NTRK2: variants seen among roughly 807,000 people sequenced by gnomAD.
The protein encoded by NTRK2 is neurotrophic receptor tyrosine kinase 2, also known as BDNF/NT-3 growth factors receptor.
In NTRK2, 13 loss-of-function variants were observed where a neutral mutation model predicts 94.5. The observed-to-expected ratio is 0.14, with a 90% confidence interval of 0.09 to 0.22. The LOEUF is 0.22. Among genes scored for constraint, NTRK2 ranks in the 10% least tolerant of loss-of-function variants. The pLI, the probability that NTRK2 is intolerant of heterozygous loss-of-function variation, is 1.00. For missense variants in NTRK2, 639 were observed against 1,071.2 expected (o/e 0.60, Z 5.63); for synonymous variants, 372 against 407.4 (o/e 0.91, Z 1.05).
At chr9:84,791,337 ATATACT>A (rs1354224988) in intron 12 of NTRK2, among the ~76,000 whole-genome samples, 1 of 152,096 alleles carries the variant, frequency 6.6e-6, no homozygotes, top group Non-Finnish European at 1.5e-5. Context: ...GGTATATATA[ATATACT>A]TATATTTTCT....
At chr9:84,823,638 C>T (rs1465894156) in intron 12 of NTRK2, among the ~76,000 whole-genome samples, 1 of 152,170 alleles carries the variant, frequency 6.6e-6, no homozygotes, top group Non-Finnish European at 1.5e-5. Flanking sequence ...TGCCCCTAGC[C>T]CAGCCCATGT....
intron 16 of NTRK2, among the ~76,000 whole-genome samples, chr9:84,952,300 A>C (rs763849761): frequency 6.6e-6 from 1 of 152,160 alleles, no homozygotes; most frequent in Non-Finnish European, 1.5e-5. Flanking sequence ...GACCAGAAGG[A>C]AAGTGGTGTG....
intron 12 of NTRK2, among the ~76,000 whole-genome samples, chr9:84,767,153 A>ATAT (rs1297351032): frequency 2.6e-5 from 4 of 152,186 alleles, no homozygotes; most frequent in Non-Finnish European, 5.9e-5. Flanking sequence ...AAGGCCTGGG[A>ATAT]TATTATATCA....
chr9:84,903,744 TTC>T (rs372656210), intron 14 of NTRK2, among the ~76,000 whole-genome samples: 11 of 149,720 alleles, frequency 7.3e-5, no homozygotes, highest in Non-Finnish European at 8.9e-5. Context: ...CCTCCCTCCC[TTC>T]TCTCTCTCTC....
Position 84,925,284 on chromosome 9 carries a change from C to T in NTRK2, c.1634-8878C>T, listed in dbSNP as rs180830206. ...CAAATACTCTCAAACCTCACAACAG[C>T]CCCTAACCCCCATGTGCTGGAGCCA... On this transcript the variant is annotated intron_variant, in intron 14 of 18. Transcript: ENST00000277120. 4.6e-5 allele frequency among the ~76,000 whole-genome samples: 7 copies of T among 151,572 alleles called. No homozygotes were observed. In the East Asian group the frequency reaches 1.4e-3, roughly 30 times the overall value.
intron 14 of NTRK2, among the ~76,000 whole-genome samples, chr9:84,870,331 GTATATATATATATATATATA>G (rs1158637577): frequency 6.4e-5 from 2 of 31,176 alleles, no homozygotes; most frequent in South Asian, 3.0e-3. Context: ...GTGTGTGTGT[GTATATATATATATATATATA>G]TATATATATA....
At chr9:84,876,354 C>A in intron 14 of NTRK2, 2 of 1,052,056 alleles carry the variant, frequency 1.9e-6, no homozygotes, top group Non-Finnish European at 2.3e-6. Flanking sequence ...TAAGCAGCCA[C>A]CTGAATTGTT....
At chr9:84,863,213 C>A (rs1453716173) in intron 13 of NTRK2, among the ~76,000 whole-genome samples, 1 of 152,114 alleles carries the variant, frequency 6.6e-6, no homozygotes, top group East Asian at 1.9e-4. Context: ...AAAACTCCCC[C>A]AGATGAACTT....
At chr9:85,008,118 G>A (rs371896207) in intron 17 of NTRK2, among the ~76,000 whole-genome samples, 16 of 151,818 alleles carry the variant, frequency 1.1e-4, no homozygotes, top group African/African-American at 3.9e-4. Flanking sequence ...AAATGTTTGG[G>A]TGTCTTGTTT....
intron 2 of NTRK2, among the ~76,000 whole-genome samples, chr9:84,690,544 A>G (rs2059985212): frequency 9.7e-6 from 1 of 103,588 alleles, no homozygotes; most frequent in South Asian, 3.3e-4. Flanking sequence ...ATGATAATTT[A>G]TTACAAAAAA....
chr9:84,689,986 T>C (rs886951233), intron 2 of NTRK2, among the ~76,000 whole-genome samples: 2 of 152,242 alleles, frequency 1.3e-5, no homozygotes, highest in African/African-American at 4.8e-5. Flanking sequence ...AACTTACTTA[T>C]TGTGGCCTTA....
intron 2 of NTRK2, among the ~76,000 whole-genome samples, chr9:84,676,962 T>A (rs1386046065): frequency 6.6e-6 from 1 of 150,530 alleles, no homozygotes; most frequent in African/African-American, 2.4e-5. Flanking sequence ...TGTGTGTGAG[T>A]GTGTGTGTGT....
chr9:84,934,396 T>TAC, intron 15 of NTRK2, 104 bp downstream of exon 15: 6 of 1,218,636 alleles, frequency 4.9e-6, no homozygotes, highest in East Asian at 2.5e-5. Flanking sequence ...GAGTAAATTG[T>TAC]TCCTGCTATG....
chr9:84,828,347 T>C (rs1023585660), intron 12 of NTRK2, among the ~76,000 whole-genome samples: 4 of 152,202 alleles, frequency 2.6e-5, no homozygotes, highest in Admixed American at 6.5e-5. Context: ...CTTCATTATA[T>C]GTTGAAGCTG....
At chr9:84,708,034 T>A (rs1291954322) in intron 5 of NTRK2, 122 bp downstream of exon 5, 2 of 782,642 alleles carry the variant, frequency 2.6e-6, no homozygotes, top group African/African-American at 1.7e-5. Context: ...AAAAAATGAT[T>A]TCTCAAGTTT....
chr9:84,865,293 G>C (rs559449746), intron 13 of NTRK2, among the ~76,000 whole-genome samples: 2 of 152,098 alleles, frequency 1.3e-5, no homozygotes, highest in African/African-American at 4.8e-5. Flanking sequence ...GAATTGAGCC[G>C]GAGCGCATCA....
intron 2 of NTRK2, among the ~76,000 whole-genome samples, chr9:84,693,105 G>A (rs1455773245): frequency 6.6e-6 from 1 of 152,164 alleles, no homozygotes; most frequent in African/African-American, 2.4e-5. Context: ...CTTTTTAAAT[G>A]TGAAAATTTT....
intron 13 of NTRK2, among the ~76,000 whole-genome samples, chr9:84,862,467 G>A (rs922747817): frequency 3.9e-4 from 59 of 152,156 alleles, no homozygotes; most frequent in African/African-American, 1.2e-3. Flanking sequence ...AAGCCAATTT[G>A]CACTGCAGAA....
chr9:84,726,866 G>T (rs751014397), intron 8 of NTRK2, among the ~76,000 whole-genome samples: 1 of 152,104 alleles, frequency 6.6e-6, no homozygotes, highest in Non-Finnish European at 1.5e-5. Context: ...CCCTCACTTA[G>T]GATAAGTACT....
Sources: gnomAD v4.1 joint callset for allele counts (sites outside exome capture counted in the v4.1 genomes callset) on GRCh38, gnomAD v4.1.1 for gene constraint, MANE v1.5 for transcripts, NCBI Gene and HGNC (gene_info 2026-07-23, HGNC 2026-07-21) for gene names.